The following LRP1B variants were observed in gnomAD, a reference collection of about 807,000 sequenced individuals.
LRP1B encodes LDL receptor related protein 1B.
A neutral mutation model predicts 556.6 loss-of-function variants in LRP1B; 217 were observed. The observed-to-expected ratio is 0.39, with a 90% CI of 0.35 to 0.44. LRP1B has a LOEUF of 0.44. LRP1B is among the 20% of genes least tolerant of loss of function. The pLI is 1.00. For synonymous variants in LRP1B, 2,047 were observed against 1,865.8 expected, an observed-to-expected ratio of 1.10 and a Z score of -2.50; for missense variants, 5,053 against 5,620.8, an observed-to-expected ratio of 0.90 and a Z score of 3.23.
intron 3 of LRP1B, among the ~76,000 whole-genome samples, chr2:141,339,558 G>C (rs1687979513): frequency 6.6e-6 from 1 of 152,128 alleles, no homozygotes; most frequent in African/African-American, 2.4e-5. Flanking sequence ...CTCTCAAAAA[G>C]CTGCAGAGCC....
chr2:141,131,728 A>G (rs1363888035), intron 7 of LRP1B, among the ~76,000 whole-genome samples: 2 of 152,006 alleles, frequency 1.3e-5, no homozygotes, highest in African/African-American at 4.8e-5. Context: ...AGGGAAATGC[A>G]AATTAAATCA....
At chr2:141,840,308 C>A (rs1259562833) in intron 1 of LRP1B, among the ~76,000 whole-genome samples, 2 of 138,842 alleles carry the variant, frequency 1.4e-5, no homozygotes, top group Non-Finnish European at 3.1e-5. Flanking sequence ...CTGTCGCCCA[C>A]GCTGGAGTGC....
chr2:141,412,170 T>A (rs1292785291), intron 3 of LRP1B, among the ~76,000 whole-genome samples: 1 of 152,190 alleles, frequency 6.6e-6, no homozygotes, highest in African/African-American at 2.4e-5. Flanking sequence ...GTTAAATAAA[T>A]ACTTGGAGTT....
At chr2:140,301,906 CATATACATAT>C (rs968603841) in intron 83 of LRP1B, among the ~76,000 whole-genome samples, 20 of 151,818 alleles carry the variant, frequency 1.3e-4, no homozygotes, top group African/African-American at 4.6e-4. Context: ...TATATATACA[CATATACATAT>C]ATATACATAT....
chr2:141,508,091 C>CCCCA (rs1553523422), intron 2 of LRP1B, among the ~76,000 whole-genome samples: 4 of 148,668 alleles, frequency 2.7e-5, no homozygotes, highest in South Asian at 2.1e-4. Context: ...ATCCCCCCCC[C>CCCCA]AAAAAAAAAG....
At position 140,490,379 on chromosome 2, in the gene LRP1B, T is replaced by C. The variant is rs75531600; in HGVS notation, c.9120+2229A>G. Among the ~76,000 whole-genome samples the C allele has an allele frequency of 5.2e-3, 786 of 152,200 alleles. 10 individuals are homozygous for C. The highest frequency in any genetic ancestry group is 0.016 in the African/African-American group (669 of 41,548). Reference sequence around the variant, plus strand: ...CTTACTACAGTTATGTTGTAGAATATAGAGGGCAAGAAAAAGCTCCACCAG... The same window carrying C: ...CTTACTACAGTTATGTTGTAGAATACAGAGGGCAAGAAAAAGCTCCACCAG... On this transcript the variant is annotated intron_variant, in intron 57 of 90. Transcript: ENST00000389484.
chr2:140,567,597 G>T (rs1246845380), intron 43 of LRP1B, among the ~76,000 whole-genome samples: 1 of 152,176 alleles, frequency 6.6e-6, no homozygotes, highest in Non-Finnish European at 1.5e-5. Context: ...GGAACAAAGA[G>T]TGAAGTTGCA....
At chr2:140,353,320 C>A (rs1558823318) in intron 75 of LRP1B, among the ~76,000 whole-genome samples, 1 of 152,004 alleles carries the variant, frequency 6.6e-6, no homozygotes, top group Non-Finnish European at 1.5e-5. Context: ...GCTTCAATTT[C>A]AAACTTCCCT....
intron 1 of LRP1B, among the ~76,000 whole-genome samples, chr2:142,091,580 A>G (rs903609758): frequency 6.6e-6 from 1 of 152,192 alleles, no homozygotes; most frequent in Non-Finnish European, 1.5e-5. Context: ...ATTGTTAACT[A>G]TAAGAAGATG....
At chr2:140,869,695 G>GTT (rs932248925) in intron 25 of LRP1B, among the ~76,000 whole-genome samples, 10 of 152,036 alleles carry the variant, frequency 6.6e-5, no homozygotes, top group African/African-American at 2.4e-4. Flanking sequence ...TGGACTGGGT[G>GTT]TAAAAAATGA....
chr2:141,107,942 T>G (rs1700648891), intron 7 of LRP1B, among the ~76,000 whole-genome samples: 1 of 152,030 alleles, frequency 6.6e-6, no homozygotes, highest in South Asian at 2.1e-4. Context: ...TAATACACAG[T>G]TGGAAAAAAA....
At chr2:140,698,177 A>G (rs985344058) in intron 41 of LRP1B, among the ~76,000 whole-genome samples, 4 of 151,494 alleles carry the variant, frequency 2.6e-5, no homozygotes, top group African/African-American at 9.7e-5. Context: ...ATACCAAATG[A>G]CTCCTTGTCT....
At chr2:141,896,401 C>T (rs769262394) in intron 1 of LRP1B, among the ~76,000 whole-genome samples, 6 of 152,250 alleles carry the variant, frequency 3.9e-5, no homozygotes, top group Non-Finnish European at 7.4e-5. Context: ...CTTAAAGTGA[C>T]AAATGATGCT....
At chr2:142,018,930 A>G (rs1285841986) in intron 1 of LRP1B, among the ~76,000 whole-genome samples, 1 of 152,142 alleles carries the variant, frequency 6.6e-6, no homozygotes, top group Non-Finnish European at 1.5e-5. Flanking sequence ...TTTAATTAAA[A>G]CGCACAGTAA....
intron 2 of LRP1B, among the ~76,000 whole-genome samples, chr2:141,753,332 C>T (rs977205324): frequency 8.6e-5 from 12 of 139,784 alleles, no homozygotes; most frequent in African/African-American, 1.3e-4. Flanking sequence ...CAGCCATAGA[C>T]GTTTTATTTT....
intron 59 of LRP1B, among the ~76,000 whole-genome samples, chr2:140,483,615 C>CATATATATATATATAT (rs201503377): frequency 3.4e-5 from 3 of 88,366 alleles, no homozygotes; most frequent in South Asian, 4.0e-4. Context: ...CACACACACA[C>CATATATATATATATAT]ATATATATAT....
At chr2:141,090,447 C>G (rs1700147133) in intron 7 of LRP1B, among the ~76,000 whole-genome samples, 1 of 152,092 alleles carries the variant, frequency 6.6e-6, no homozygotes, top group Non-Finnish European at 1.5e-5. Flanking sequence ...TTTTCTTGCT[C>G]TAAATTGTAG....
intron 41 of LRP1B, among the ~76,000 whole-genome samples, chr2:140,684,431 C>G (rs1685975345): frequency 6.6e-6 from 1 of 152,162 alleles, no homozygotes; most frequent in African/African-American, 2.4e-5. Flanking sequence ...ACTTGCTGTT[C>G]CAGGCCTAAG....
chr2:141,711,729 A>G (rs1289342671), intron 2 of LRP1B, among the ~76,000 whole-genome samples: 3 of 152,134 alleles, frequency 2.0e-5, no homozygotes, highest in African/African-American at 7.2e-5. Context: ...CTAAAGTCCT[A>G]CTCACAGTTT....
Sources: allele counts gnomAD v4.1 joint callset (sites outside exome capture counted in the v4.1 genomes callset), GRCh38; gene constraint gnomAD v4.1.1; transcripts MANE v1.5; gene names NCBI Gene and HGNC (gene_info 2026-07-23, HGNC 2026-07-21).